Variants in NIPSNAP2 observed in about 807,000 individuals in gnomAD.
The protein encoded by NIPSNAP2 is nipsnap homolog 2, also known as protein NipSnap homolog 2.
In NIPSNAP2, 42 loss-of-function variants were observed where a neutral mutation model predicts 48.4. The observed-to-expected ratio is 0.87, with a 90% CI of 0.68 to 1.12. The LOEUF (loss-of-function observed/expected upper bound fraction) is 1.12, where lower values mean the gene tolerates loss of function less well. Ranked by LOEUF, NIPSNAP2 falls within the 50% of genes most tolerant of loss-of-function variation. The probability of loss-of-function intolerance (pLI) is 0.00; values close to 1 mark genes in which losing one functional copy is unlikely to be tolerated. For synonymous variants in NIPSNAP2, 158 were observed against 126.6 expected (o/e 1.25, Z -1.67); for missense variants, 314 against 347.3 (o/e 0.90, Z 0.76).
intron 7 of NIPSNAP2, chr7:55,991,909 A>G (rs1787458282): frequency 4.6e-6 from 1 of 217,506 alleles, no homozygotes; most frequent in Non-Finnish European, 9.7e-6. Context: ...TTTGCCTACC[A>G]TAACTAAATT....
intron 1 of NIPSNAP2, among the ~76,000 whole-genome samples, chr7:55,965,635 C>G (rs1239128446): frequency 6.6e-6 from 1 of 150,984 alleles, no homozygotes; most frequent in African/African-American, 2.4e-5. Context: ...GGCTGAAGTG[C>G]AACGGCACGA....
At chr7:55,970,910 C>T (rs1461625924) in intron 1 of NIPSNAP2, among the ~76,000 whole-genome samples, 2 of 152,150 alleles carry the variant, frequency 1.3e-5, no homozygotes, top group African/African-American at 4.8e-5. Flanking sequence ...TTCACTTGAG[C>T]TCTTGCAGTG....
At chr7:55,998,946 G>A (rs1473536650) in intron 9 of NIPSNAP2, 62 bp from the exon 10 acceptor site, 7 of 1,318,920 alleles carry the variant, frequency 5.3e-6, no homozygotes, top group Non-Finnish European at 7.7e-6. Context: ...CTGTCTGTTA[G>A]TGTCATTTAC....
intron 5 of NIPSNAP2, among the ~76,000 whole-genome samples, chr7:55,982,832 C>A (rs35844144): frequency 6.6e-6 from 1 of 151,304 alleles, no homozygotes; most frequent in Non-Finnish European, 1.5e-5. Flanking sequence ...ACTTTGAAAC[C>A]GGTGACTGGG....
rs74739586 is a variant in NIPSNAP2, at chr7:55,978,691, C to T, written c.278+296C>T. 4.2e-3 allele frequency: 1,378 copies of T among 328,846 alleles called. 38 individuals carry two copies. Among genetic ancestry groups the T allele is most frequent in the South Asian group, 0.035 (713 of 20,600 alleles). The allele number at this position is 328,846 out of a possible 1,614,324, so 20.4% of individuals were successfully genotyped here. On this transcript the variant is annotated intron_variant, in intron 3 of 9. Coordinates refer to ENST00000322090, the MANE Select transcript of NIPSNAP2 (RefSeq NM_001483.3). ...CATCTACTTATCCAGTGCTGGAGTCCTTTCCACAGACCTTCCTGACTGCCT... is the reference window on the plus strand; with the variant it reads ...CATCTACTTATCCAGTGCTGGAGTCTTTTCCACAGACCTTCCTGACTGCCT...
In NIPSNAP2 at chr7:55,964,655, G is replaced by T. The variant is rs900164167; in HGVS notation, c.46G>T (p.Gly16Cys). 2.1e-5 allele frequency: 23 copies of T among 1,105,142 alleles called. No homozygotes were observed. The African/African-American group carries it at 3.2e-4, about 15-fold the overall frequency. 68.5% of individuals were successfully genotyped at this position (1,105,142 alleles called of 1,614,324 possible). A position where few individuals can be genotyped will look rare whatever the true frequency, so the allele number is the denominator to read the frequency against. Residue 16 changes from glycine (G) to cysteine (C), a missense_variant, in exon 1 of 10, where the codon GGC becomes TGC. Around this residue, in one of 2 missense-constraint regions of NIPSNAP2, gnomAD observed 198 missense variants for 185.5 expected, o/e 1.07. Coordinates refer to ENST00000322090, the MANE Select transcript of NIPSNAP2 (RefSeq NM_001483.3). ...LRARGAAWAGGLLQRAAPCSL... is the reference protein window; with the variant it reads ...LRARGAAWAGCLLQRAAPCSL... ...CGCCCGCGGAGCGGCCTGGGCCGGC[G>T]GCCTCCTGCAGCGGGCGGCCCCCTG...
rs147859896 is a variant in NIPSNAP2, at chr7:55,992,091, A to G, written c.618-2803A>G. 4.7e-3 allele frequency among the ~76,000 whole-genome samples: 722 copies of G among 152,224 alleles called. 10 individuals carry two copies. The highest frequency in any genetic ancestry group is 0.016 in the African/African-American group (656 of 41,560). ...TGATCACTTAATTCTCAATGTAAAG[A>G]TTAAAGATGTCATCTTATTTGTGGA... On this transcript the variant is annotated intron_variant, in intron 7 of 9. Transcript: ENST00000322090.
Position 55,978,725 on chromosome 7 carries a change from G to C in NIPSNAP2, c.278+330G>C, listed in dbSNP as rs76651525. 861 of 263,644 alleles carry C rather than the reference G, an allele frequency of 3.3e-3. 5 individuals are homozygous for C. Among genetic ancestry groups the C allele is most frequent in the African/African-American group, 0.018 (813 of 44,994 alleles). The allele number at this position is 263,644 out of a possible 1,614,324, so 16.3% of individuals were successfully genotyped here. A position where few individuals can be genotyped will look rare whatever the true frequency, so the allele number is the denominator to read the frequency against. On this transcript the variant is annotated intron_variant, in intron 3 of 9. Coordinates refer to ENST00000322090, the MANE Select transcript of NIPSNAP2 (RefSeq NM_001483.3). ...GACCTTCCTGACTGCCTGTCCTGAA[G>C]TAAGTTCCATCTCTGGACAGCTCTG...
intron 4 of NIPSNAP2, 165 bp from the exon 5 acceptor site, chr7:55,982,045 G>A (rs1787226914): frequency 2.2e-6 from 1 of 446,622 alleles, no homozygotes; most frequent in Admixed American, 3.7e-5. Context: ...GACCTCAAGT[G>A]ATCCGCCTGT....
At position 56,000,049 on chromosome 7, in the gene NIPSNAP2, A is replaced by G. The variant is rs767061469; in HGVS notation, c.*977A>G. 7.2e-5 allele frequency: 11 copies of G among 152,600 alleles called. No individual in the cohort carries two copies. Among genetic ancestry groups the G allele is most frequent in the Non-Finnish European group, 1.3e-4 (9 of 68,044 alleles). The allele number at this position is 152,600 out of a possible 1,614,324, so 9.5% of individuals were successfully genotyped here. On this transcript the variant is annotated 3_prime_UTR_variant, in exon 10 of 10. Transcript: ENST00000322090. ...TGTGAAAGTCCTGTTGAAATGAACA[A>G]TTGTCTGCCCCACAATCAAGAATGT...
At chr7:55,970,808 C>T (rs1787002226) in intron 1 of NIPSNAP2, among the ~76,000 whole-genome samples, 1 of 152,100 alleles carries the variant, frequency 6.6e-6, no homozygotes. Context: ...TAGCACCTGC[C>T]TTCTCCACCT....
In NIPSNAP2 at chr7:55,987,520, C is replaced by T. The variant is rs552194584; in HGVS notation, c.617+2642C>T. Reference sequence around the variant, plus strand: ...GCGTGCACCTGTAGCCCCAGCTACTCAGCAGGCTGAGGCAGGAGAATCACT... The same window carrying T: ...GCGTGCACCTGTAGCCCCAGCTACTTAGCAGGCTGAGGCAGGAGAATCACT... On this transcript the variant is annotated intron_variant, in intron 7 of 9. Coordinates refer to ENST00000322090, the MANE Select transcript of NIPSNAP2 (RefSeq NM_001483.3). 5.9e-5 allele frequency among the ~76,000 whole-genome samples: 9 copies of T among 152,256 alleles called. No individual in the cohort carries two copies. The South Asian group carries it at 1.9e-3, about 32-fold the overall frequency.
At chr7:55,991,389 A>T (rs1280468070) in intron 7 of NIPSNAP2, among the ~76,000 whole-genome samples, 1 of 151,908 alleles carries the variant, frequency 6.6e-6, no homozygotes, top group Non-Finnish European at 1.5e-5. Flanking sequence ...ATTTTTGCCC[A>T]TTACTGATCA....
At chr7:55,974,091 G>C (rs1200716401) in intron 1 of NIPSNAP2, among the ~76,000 whole-genome samples, 2 of 151,942 alleles carry the variant, frequency 1.3e-5, no homozygotes, top group African/African-American at 4.8e-5. Flanking sequence ...CGGATGTGGT[G>C]GCATGCACCT....
At chr7:55,979,038 T>C (rs1787160049) in intron 3 of NIPSNAP2, 1 of 152,146 alleles carries the variant, frequency 6.6e-6, no homozygotes, top group Admixed American at 6.6e-5. Context: ...AAGAAAAAGG[T>C]TTTTAGTTTT....
intron 7 of NIPSNAP2, among the ~76,000 whole-genome samples, chr7:55,992,367 G>A (rs1187086742): frequency 2.0e-5 from 3 of 152,182 alleles, no homozygotes; most frequent in African/African-American, 7.2e-5. Context: ...GTGCAAGCCT[G>A]TAGTTCCAGC....
chr7:55,964,722 C>T lies in NIPSNAP2; in HGVS notation c.92+21C>T, dbSNP rs1786853956. 4.5e-6 allele frequency: 5 copies of T among 1,099,308 alleles called. No homozygotes were observed. In the Admixed American group the frequency reaches 2.0e-4, roughly 44 times the overall value. The allele number at this position is 1,099,308 out of a possible 1,614,324, so 68.1% of individuals were successfully genotyped here. A position where few individuals can be genotyped will look rare whatever the true frequency, so the allele number is the denominator to read the frequency against. ...CTCCGGTGAGCAGCGCCGCCCTTCC[C>T]GGGAGGTGCCGGGGAGGGGCCGCCG... On this transcript the variant is annotated intron_variant, in intron 1 of 9. Transcript: ENST00000322090.
At chr7:55,996,157 A>T (rs1307249266) in intron 8 of NIPSNAP2, among the ~76,000 whole-genome samples, 1 of 152,002 alleles carries the variant, frequency 6.6e-6, no homozygotes, top group Non-Finnish European at 1.5e-5. Flanking sequence ...ATGGAGGCGC[A>T]TGCCTGTAAT....
chr7:55,980,186 G>T (rs1212374195), intron 3 of NIPSNAP2: 1 of 197,822 alleles, frequency 5.1e-6, no homozygotes, highest in Non-Finnish European at 1.1e-5. Context: ...ACATTCATGA[G>T]TCACGCATCA....
Sources: allele counts gnomAD v4.1 joint callset (sites outside exome capture counted in the v4.1 genomes callset), GRCh38; gene constraint gnomAD v4.1.1; regional missense constraint gnomAD v4.1.1; transcripts MANE v1.5; gene names NCBI Gene and HGNC (gene_info 2026-07-23, HGNC 2026-07-21).